Variants in CLIC4 observed in about 807,000 individuals in gnomAD.
CLIC4 encodes the protein chloride intracellular channel protein 4.
In CLIC4, 13 loss-of-function variants were observed where a neutral mutation model predicts 24.6. The ratio of observed to expected loss-of-function variants is 0.53; its 90% CI spans 0.34 to 0.84. The LOEUF (loss-of-function observed/expected upper bound fraction) is 0.84, where lower values mean the gene tolerates loss of function less well. CLIC4 is among the 40% of genes least tolerant of loss of function. The probability of loss-of-function intolerance (pLI) is 0.01; values close to 1 mark genes in which losing one functional copy is unlikely to be tolerated. For missense variants in CLIC4, 227 were observed against 301.7 expected (o/e 0.75, Z 1.83); for synonymous variants, 104 against 111.3 (o/e 0.93, Z 0.41).
chr1:24,770,320 A>C (rs1639055965), intron 1 of CLIC4, among the ~76,000 whole-genome samples: 1 of 152,040 alleles, frequency 6.6e-6, no homozygotes, highest in Non-Finnish European at 1.5e-5. Context: ...AAAAAAAAAA[A>C]AGGCAAGGAA....
intron 2 of CLIC4, among the ~76,000 whole-genome samples, chr1:24,807,870 A>G (rs1639569426): frequency 6.6e-6 from 1 of 152,212 alleles, no homozygotes; most frequent in Non-Finnish European, 1.5e-5. Flanking sequence ...AAAAATGTTA[A>G]TGGATATGTT....
At chr1:24,799,764 T>G (rs1178802206) in intron 2 of CLIC4, among the ~76,000 whole-genome samples, 24 of 64,206 alleles carry the variant, frequency 3.7e-4, no homozygotes, top group Admixed American at 5.0e-4. Flanking sequence ...GTCAGCCCCC[T>G]GCCCGGCCAG....
chr1:24,771,485 A>G (rs1308700331), intron 1 of CLIC4, among the ~76,000 whole-genome samples: 6 of 151,950 alleles, frequency 3.9e-5, no homozygotes, highest in African/African-American at 1.4e-4. Flanking sequence ...AAAAATTATT[A>G]TGTTCTTCTA....
At chr1:24,805,417 C>T (rs761556360) in intron 2 of CLIC4, among the ~76,000 whole-genome samples, 2 of 152,018 alleles carry the variant, frequency 1.3e-5, no homozygotes, top group African/African-American at 4.8e-5. Flanking sequence ...AGTAGTAAAG[C>T]GTTCTGAAAC....
intron 1 of CLIC4, among the ~76,000 whole-genome samples, chr1:24,770,410 A>G (rs1448229339): frequency 6.6e-6 from 1 of 152,096 alleles, no homozygotes; most frequent in Non-Finnish European, 1.5e-5. Context: ...ATAGACGTGT[A>G]ATCCAGGAGT....
At chr1:24,755,471 G>A (rs1313090895) in intron 1 of CLIC4, among the ~76,000 whole-genome samples, 1 of 151,316 alleles carries the variant, frequency 6.6e-6, no homozygotes, top group Non-Finnish European at 1.5e-5. Flanking sequence ...CTGGTGTGGT[G>A]GTGGTGGTGA....
At chr1:24,795,055 A>G (rs1000926112) in intron 1 of CLIC4, among the ~76,000 whole-genome samples, 35 of 152,094 alleles carry the variant, frequency 2.3e-4, no homozygotes, top group African/African-American at 7.2e-4. Flanking sequence ...GGAAGGAGGG[A>G]GAGGATCAGA....
In CLIC4 at chr1:24,842,789, G is replaced by A. The variant is rs1217747530; in HGVS notation, c.*1852G>A. Reference sequence around the variant, plus strand: ...TCTATTGAGAAATTATTTTGCAGTGGTTTTAGTGGGTGAAAATGTCCCATC... The same window carrying A: ...TCTATTGAGAAATTATTTTGCAGTGATTTTAGTGGGTGAAAATGTCCCATC... On this transcript the variant is annotated 3_prime_UTR_variant, in exon 6 of 6. Transcript: ENST00000374379. The A allele has an allele frequency of 6.6e-6, 1 of 152,052 alleles. No individual in the cohort carries two copies. Among genetic ancestry groups the A allele is most frequent in the African/African-American group, 2.4e-5 (1 of 41,404 alleles). The allele number at this position is 152,052 out of a possible 1,614,324, so 9.4% of individuals were successfully genotyped here.
intron 2 of CLIC4, among the ~76,000 whole-genome samples, chr1:24,804,964 G>A (rs1457314671): frequency 6.6e-6 from 1 of 151,656 alleles, no homozygotes; most frequent in African/African-American, 2.4e-5. Context: ...GTCGGGCATG[G>A]TGGTGAGTGC....
intron 1 of CLIC4, among the ~76,000 whole-genome samples, chr1:24,750,689 A>G (rs1385048482): frequency 1.3e-5 from 2 of 151,928 alleles, no homozygotes; most frequent in African/African-American, 2.4e-5. Flanking sequence ...CTAATCCAAT[A>G]TGTCCAGTTA....
chr1:24,763,414 C>CTT lies in CLIC4; in HGVS notation c.72+17790_72+17791dup, dbSNP rs1179358125. 2.7e-5 allele frequency among the ~76,000 whole-genome samples: 4 copies of CTT among 150,718 alleles called. No homozygotes were observed. The Admixed American group carries it at 2.7e-4, about 10-fold the overall frequency. On this transcript the variant is annotated intron_variant, in intron 1 of 5. Coordinates refer to ENST00000374379, the MANE Select transcript of CLIC4 (RefSeq NM_013943.3). Reference sequence around the variant, plus strand: ...AATTAGCCGGGCGTTGTGGCGCATGCTTGTAGTCCCAGCTACTTGGGAGGC... The same window carrying CTT: ...AATTAGCCGGGCGTTGTGGCGCATGCTTTTGTAGTCCCAGCTACTTGGGAGGC...
rs777011914 is a variant in CLIC4, at chr1:24,814,054, TA to T, written c.183-34del. On this transcript the variant is annotated intron_variant, in intron 2 of 5. Transcript: ENST00000374379. Reference sequence around the variant, plus strand: ...TTAAAGTATTATTGTTGTTTAAGAGTAAAAAATGATCTGATTTTGACCAATA... The same window carrying T: ...TTAAAGTATTATTGTTGTTTAAGAGTAAAAATGATCTGATTTTGACCAATA... The T allele has an allele frequency of 4.3e-5, 69 of 1,611,082 alleles. No individual in the cohort carries two copies. The African/African-American group carries it at 6.8e-4, about 16-fold the overall frequency.
intron 1 of CLIC4, among the ~76,000 whole-genome samples, chr1:24,767,024 TA>T (rs34142565): frequency 0.42 from 30,085 of 70,896 alleles, 4,441 homozygotes; most frequent in Non-Finnish European, 0.48. Context: ...GCTGATGAGC[TA>T]AAAAAAAAAA....
At chr1:24,839,790 C>T in intron 4 of CLIC4, 70 bp from the exon 5 acceptor site, 1 of 1,335,390 alleles carries the variant, frequency 7.5e-7, no homozygotes, top group Non-Finnish European at 1.0e-6. Flanking sequence ...CTCAAAGAGT[C>T]TGCTTCTCCT....
intron 3 of CLIC4, among the ~76,000 whole-genome samples, chr1:24,818,278 T>G (rs1266304100): frequency 1.3e-5 from 2 of 151,024 alleles, no homozygotes; most frequent in East Asian, 1.9e-4. Context: ...CTCAATTTGG[T>G]TTTTTTTTGT....
At chr1:24,762,254 C>CAAAAAT (rs1488501522) in intron 1 of CLIC4, among the ~76,000 whole-genome samples, 1 of 151,810 alleles carries the variant, frequency 6.6e-6, no homozygotes, top group Non-Finnish European at 1.5e-5. Context: ...CCCATCCCTG[C>CAAAAAT]AAAAATAAAA....
rs1212033050 is a variant in CLIC4, at chr1:24,820,067, G to GTGTGTATATATATATATATATA, written c.308+5849_308+5850insGTGTATATATATATATATATAT. Among the ~76,000 whole-genome samples, 177 of 36,406 alleles carry GTGTGTATATATATATATATATA rather than the reference G, an allele frequency of 4.9e-3. 26 individuals carry two copies. Among genetic ancestry groups the GTGTGTATATATATATATATATA allele is most frequent in the Non-Finnish European group, 6.9e-3 (132 of 19,152 alleles). 23.9% of individuals were successfully genotyped at this position (36,406 alleles called of 152,430 possible). On this transcript the variant is annotated intron_variant, in intron 3 of 5. Transcript: ENST00000374379. ...TACTTCAAAAAAAAAAAAAAAGTAT[G>GTGTGTATATATATATATATATA]TATATATATATGTATATATATATAT...
intron 2 of CLIC4, among the ~76,000 whole-genome samples, chr1:24,813,712 C>A (rs1342301572): frequency 6.6e-6 from 1 of 151,954 alleles, no homozygotes; most frequent in Non-Finnish European, 1.5e-5. Flanking sequence ...AGCCACCATG[C>A]CCGGACAATT....
chr1:24,748,499 GTT>G (rs869153638), intron 1 of CLIC4, among the ~76,000 whole-genome samples: 12 of 80,612 alleles, frequency 1.5e-4, no homozygotes, highest in East Asian at 4.1e-4. Context: ...CAGGTTTTTT[GTT>G]TTTTTTTTTT....
Sources: gnomAD v4.1 joint callset for allele counts (sites outside exome capture counted in the v4.1 genomes callset) on GRCh38, gnomAD v4.1.1 for gene constraint, MANE v1.5 for transcripts, NCBI Gene and HGNC (gene_info 2026-07-23, HGNC 2026-07-21) for gene names.